Variants in BTBD9 observed in about 807,000 individuals in gnomAD.
BTBD9 encodes BTB/POZ domain-containing protein 9.
BTBD9 carries 49 observed loss-of-function variants against 64.3 expected under a neutral mutation model. That is an observed-to-expected ratio of 0.76 (90% CI 0.61 to 0.97). The LOEUF is 0.97. Among genes scored for constraint, BTBD9 ranks in the 50% least tolerant of loss-of-function variants. The pLI, the probability that BTBD9 is intolerant of heterozygous loss-of-function variation, is 0.00. For missense variants in BTBD9, 598 were observed against 762.1 expected (o/e 0.78, Z 2.53); for synonymous variants, 260 against 274.7 (o/e 0.95, Z 0.53).
chr6:38,221,214 T>C (rs1193164146), intron 9 of BTBD9, among the ~76,000 whole-genome samples: 1 of 152,196 alleles, frequency 6.6e-6, no homozygotes, highest in Non-Finnish European at 1.5e-5. Context: ...TTTCATGGCC[T>C]ACCAGTAAAA....
chr6:38,171,880 A>ATAAT lies in BTBD9; in HGVS notation c.*3104_*3105insATTA, dbSNP rs751901539. ...AAAAAAAAAAAAAAAAAAAAAAAAA[A>ATAAT]AATAATAATAATAATAATAATAATA... is the stretch of plus-strand genomic sequence containing the variant. On this transcript the variant is annotated 3_prime_UTR_variant, in exon 11 of 11. Transcript: ENST00000481247. The ATAAT allele has an allele frequency of 3.3e-5, 3 of 89,556 alleles. No homozygotes were observed. The highest frequency in any genetic ancestry group is 1.0e-4 in the African/African-American group (2 of 19,674). The allele number at this position is 89,556 out of a possible 1,614,324, so 5.5% of individuals were successfully genotyped here. A position where few individuals can be genotyped will look rare whatever the true frequency, so the allele number is the denominator to read the frequency against.
intron 7 of BTBD9, among the ~76,000 whole-genome samples, chr6:38,307,670 T>C (rs1022914768): frequency 6.6e-6 from 1 of 152,232 alleles, no homozygotes; most frequent in Non-Finnish European, 1.5e-5. Flanking sequence ...TATTCTGATC[T>C]TTCCTGTTCT....
At chr6:38,578,464 T>C (rs1396659335) in intron 5 of BTBD9, among the ~76,000 whole-genome samples, 1 of 152,220 alleles carries the variant, frequency 6.6e-6, no homozygotes, top group African/African-American at 2.4e-5. Context: ...AAATTTGAGA[T>C]GCAGTTATTA....
rs141823073 is a variant in BTBD9 at position 38,501,257 on chromosome 6, T to C, written c.1154+76343A>G. ...CAAGATCCTCCAGAATCTGACTTTT[T>C]TGAGTGCCAACATGATGAGCAAAGA... On this transcript the variant is annotated intron_variant, in intron 6 of 10. Transcript: ENST00000481247. Among the ~76,000 whole-genome samples, 41 of 152,306 alleles carry C rather than the reference T, an allele frequency of 2.7e-4. No individual in the cohort carries two copies. The East Asian group carries it at 7.5e-3, about 28-fold the overall frequency.
chr6:38,270,157 C>T (rs921937549), intron 8 of BTBD9, among the ~76,000 whole-genome samples: 4 of 152,188 alleles, frequency 2.6e-5, no homozygotes, highest in South Asian at 2.1e-4. Flanking sequence ...TTCTTTTGTT[C>T]AGCCGGCTCA....
At chr6:38,614,439 C>A (rs1264087955) in intron 1 of BTBD9, among the ~76,000 whole-genome samples, 1 of 152,116 alleles carries the variant, frequency 6.6e-6, no homozygotes, top group Non-Finnish European at 1.5e-5. Context: ...TATTTAAGAC[C>A]CCAAAATTAA....
intron 6 of BTBD9, among the ~76,000 whole-genome samples, chr6:38,368,071 T>A (rs1765254347): frequency 6.6e-6 from 1 of 152,338 alleles, no homozygotes; most frequent in South Asian, 2.1e-4. Flanking sequence ...GAGAACCCAG[T>A]GCACCTCTTA....
chr6:38,217,318 C>CAAAAA (rs3047754), intron 9 of BTBD9, among the ~76,000 whole-genome samples: 10 of 69,246 alleles, frequency 1.4e-4, no homozygotes, highest in Admixed American at 3.8e-4. Context: ...GACTCCATCT[C>CAAAAA]AAAAAAAAAA....
intron 9 of BTBD9, among the ~76,000 whole-genome samples, chr6:38,254,154 G>A (rs1045034863): frequency 2.6e-5 from 4 of 151,324 alleles, no homozygotes; most frequent in Admixed American, 2.6e-4. Context: ...GGACCTAGAT[G>A]GCAGAACAAC....
chr6:38,193,822 C>G, intron 9 of BTBD9: 2 of 985,386 alleles, frequency 2.0e-6, no homozygotes, highest in Non-Finnish European at 2.4e-6. Flanking sequence ...TTGTTTTTCC[C>G]CCTTTGGTTT....
chr6:38,573,089 T>G (rs1775853587), intron 6 of BTBD9, among the ~76,000 whole-genome samples: 1 of 152,024 alleles, frequency 6.6e-6, no homozygotes, highest in Admixed American at 6.5e-5. Flanking sequence ...AAAACAGGCT[T>G]TTCATAAATA....
rs1764365503 is a variant in BTBD9 at position 38,250,769 on chromosome 6, T to C, written c.1562+5640A>G. Among the ~76,000 whole-genome samples the C allele has an allele frequency of 2.0e-5, 3 of 152,154 alleles. No individual in the cohort carries two copies. The South Asian group carries it at 6.2e-4, about 31-fold the overall frequency. On this transcript the variant is annotated intron_variant, in intron 9 of 10. Transcript: ENST00000481247. ...GTCGAGAAATATTGTCTATAACTGA[T>C]GGATTAAAAAACAGAAGTTTAGGCC...
chr6:38,587,966 G>C, intron 4 of BTBD9: 1 of 733,524 alleles, frequency 1.4e-6, no homozygotes, highest in Non-Finnish European at 2.6e-6. Flanking sequence ...CAGCATTGCC[G>C]CCTCCTCCTC....
In BTBD9 at chr6:38,174,940, G is replaced by A. The variant is rs764753224; in HGVS notation, c.*45C>T. The A allele has an allele frequency of 1.2e-6, 2 of 1,602,820 alleles. No individual in the cohort carries two copies. Among genetic ancestry groups the A allele is most frequent in the Non-Finnish European group, 1.7e-6 (2 of 1,174,276 alleles). Reference sequence around the variant, plus strand: ...CTGCTCAGGGAGGAGACCGTTTCCTGCCGTTGCCCGAGCCCACCAAGTCAC... The same window carrying A: ...CTGCTCAGGGAGGAGACCGTTTCCTACCGTTGCCCGAGCCCACCAAGTCAC... On this transcript the variant is annotated 3_prime_UTR_variant, in exon 11 of 11. Coordinates refer to ENST00000481247, the MANE Select transcript of BTBD9 (RefSeq NM_001099272.2).
chr6:38,196,104 C>G (rs1762266838), intron 9 of BTBD9, among the ~76,000 whole-genome samples: 1 of 152,214 alleles, frequency 6.6e-6, no homozygotes, highest in Non-Finnish European at 1.5e-5. Flanking sequence ...ACGGTCAAGA[C>G]AGCAGGCTTT....
intron 6 of BTBD9, among the ~76,000 whole-genome samples, chr6:38,374,303 A>ACG (rs1554143555): frequency 1.1e-5 from 1 of 91,166 alleles, no homozygotes; most frequent in Non-Finnish European, 2.1e-5. Context: ...ATATGTATAT[A>ACG]TATGTATATA....
At chr6:38,415,546 G>C (rs1186984153) in intron 6 of BTBD9, among the ~76,000 whole-genome samples, 1 of 152,138 alleles carries the variant, frequency 6.6e-6, no homozygotes, top group Admixed American at 6.5e-5. Flanking sequence ...ATTTCGTGTT[G>C]TTTTAAGCCA....
At chr6:38,304,562 A>C (rs536130589) in intron 7 of BTBD9, among the ~76,000 whole-genome samples, 2 of 151,976 alleles carry the variant, frequency 1.3e-5, no homozygotes, top group East Asian at 1.9e-4. Flanking sequence ...CAAACAAAAA[A>C]AAAAAAAAAA....
intron 6 of BTBD9, among the ~76,000 whole-genome samples, chr6:38,570,768 C>T (rs1775728050): frequency 6.6e-6 from 1 of 152,120 alleles, no homozygotes. Flanking sequence ...CTAGCAAGCA[C>T]CAAAATATAT....
Sources: allele counts gnomAD v4.1 joint callset (sites outside exome capture counted in the v4.1 genomes callset), GRCh38; gene constraint gnomAD v4.1.1; transcripts MANE v1.5; gene names NCBI Gene and HGNC (gene_info 2026-07-23, HGNC 2026-07-21).